The following PTK2B variants were observed in gnomAD, a reference collection of about 807,000 sequenced individuals.
PTK2B encodes the protein protein-tyrosine kinase 2-beta.
In PTK2B, 71 loss-of-function variants were observed where a neutral mutation model predicts 142.9. The ratio of observed to expected loss-of-function variants is 0.50; its 90% CI spans 0.41 to 0.61. The LOEUF (loss-of-function observed/expected upper bound fraction) is 0.61. PTK2B is among the 20% of genes least tolerant of loss of function. PTK2B has a pLI of 0.00. For missense variants in PTK2B, 1,105 were observed against 1,320.4 expected, an observed-to-expected ratio of 0.84 and a Z score of 2.53; for synonymous variants, 519 against 503.4, an observed-to-expected ratio of 1.03 and a Z score of -0.42.
chr8:27,430,544 C>T, intron 7 of PTK2B, 126 bp downstream of exon 7: 2 of 1,272,092 alleles, frequency 1.6e-6, no homozygotes, highest in Non-Finnish European at 2.3e-6. Flanking sequence ...CATTTGGACA[C>T]AGGACCACTA....
intron 29 of PTK2B, 41 bp from the exon 30 acceptor site, chr8:27,454,490 T>C (rs1812023310): frequency 9.4e-6 from 15 of 1,596,106 alleles, no homozygotes; most frequent in Non-Finnish European, 1.1e-5. Flanking sequence ...CTCTCTCCAA[T>C]AGCTAGGAGT....
intron 2 of PTK2B, among the ~76,000 whole-genome samples, chr8:27,408,094 G>GA (rs1249420389): frequency 1.3e-5 from 2 of 152,136 alleles, no homozygotes; most frequent in African/African-American, 4.8e-5. Context: ...AGAAGCAAAA[G>GA]TTTTTCTCTG....
At chr8:27,358,669 A>G (rs1160510881) in intron 1 of PTK2B, among the ~76,000 whole-genome samples, 1 of 152,112 alleles carries the variant, frequency 6.6e-6, no homozygotes, top group Non-Finnish European at 1.5e-5. Context: ...GACTTCTAAT[A>G]TATTTAGTAT....
At chr8:27,435,638 C>T in intron 13 of PTK2B, 105 bp from the exon 14 acceptor site, 3 of 1,368,042 alleles carry the variant, frequency 2.2e-6, no homozygotes, top group Non-Finnish European at 3.1e-6. Context: ...CTCCTCCTAC[C>T]CCCTTGGGCT....
intron 25 of PTK2B, 23 bp downstream of exon 25, chr8:27,450,918 C>T (rs1811764333): frequency 1.9e-6 from 3 of 1,614,084 alleles, no homozygotes; most frequent in African/African-American, 1.3e-5. Flanking sequence ...GGAAGGATGT[C>T]GGTGCCCTGC....
intron 2 of PTK2B, among the ~76,000 whole-genome samples, chr8:27,403,317 A>G (rs570313400): frequency 2.8e-4 from 43 of 152,310 alleles, no homozygotes; most frequent in Admixed American, 6.5e-4. Flanking sequence ...TGAACAGTCC[A>G]CATGGCAACA....
chr8:27,332,664 C>G (rs941922436), intron 1 of PTK2B, among the ~76,000 whole-genome samples: 1 of 152,168 alleles, frequency 6.6e-6, no homozygotes, highest in Non-Finnish European at 1.5e-5. Flanking sequence ...TCACAGCAAC[C>G]TTGACCTCTC....
At chr8:27,451,533 G>C (rs267601880) in intron 27 of PTK2B, 24 bp downstream of exon 27, 1 of 1,614,020 alleles carries the variant, frequency 6.2e-7, no homozygotes, top group South Asian at 1.1e-5. Context: ...CCCTTCTTCG[G>C]GGGGTTTCCT....
chr8:27,421,801 C>A (rs950958389), intron 4 of PTK2B, among the ~76,000 whole-genome samples: 4 of 152,230 alleles, frequency 2.6e-5, no homozygotes, highest in Non-Finnish European at 4.4e-5. Flanking sequence ...GGACAGAATG[C>A]GTATGGAGTG....
rs61165579 is a variant in PTK2B at position 27,400,447 on chromosome 8, TAAAAAA to T, written c.204+2671_204+2676del. On this transcript the variant is annotated intron_variant, in intron 2 of 30. Coordinates refer to ENST00000346049, the MANE Select transcript of PTK2B (RefSeq NM_173176.3). ...GACAGCAGAGAAAAAAGGATTGAAT[TAAAAAA>T]AAAAAAAAAAACCTGGCCAATGGGA... Among the ~76,000 whole-genome samples the T allele has an allele frequency of 3.2e-3, 440 of 136,814 alleles. 6 individuals are homozygous for T. The highest frequency in any genetic ancestry group is 0.01 in the African/African-American group (392 of 37,718). The allele number at this position is 136,814 out of a possible 152,430, so 89.8% of individuals were successfully genotyped here.
intron 2 of PTK2B, among the ~76,000 whole-genome samples, chr8:27,417,375 C>T (rs1051538203): frequency 2.0e-5 from 3 of 151,916 alleles, no homozygotes; most frequent in Non-Finnish European, 2.9e-5. Context: ...AGTTCTAGAA[C>T]AGGCAAAACC....
intron 2 of PTK2B, among the ~76,000 whole-genome samples, chr8:27,418,956 A>T (rs1022099009): frequency 7.9e-5 from 12 of 152,052 alleles, no homozygotes; most frequent in Admixed American, 2.0e-4. Context: ...TGAACCTGGG[A>T]GGCGGAGGTT....
intron 1 of PTK2B, among the ~76,000 whole-genome samples, chr8:27,341,167 C>T (rs1194657780): frequency 6.6e-6 from 1 of 152,186 alleles, no homozygotes; most frequent in Non-Finnish European, 1.5e-5. Flanking sequence ...GGTGCCCCTC[C>T]TCCCAGAGCT....
chr8:27,432,094 A>T (rs1055207565), intron 9 of PTK2B, 166 bp from the exon 10 acceptor site: 33 of 561,138 alleles, frequency 5.9e-5, no homozygotes, highest in Non-Finnish European at 8.5e-5. Flanking sequence ...AAGATTGGAC[A>T]CCCCTGAACT....
upstream of PTK2B, chr8:27,325,453 C>G (rs1803351185): frequency 6.6e-6 from 1 of 152,330 alleles, no homozygotes; most frequent in Non-Finnish European, 1.5e-5. Context: ...GGAGCCGGCA[C>G]ACACAGACAA....
chr8:27,451,581 G>T (rs377095964), intron 27 of PTK2B, 72 bp downstream of exon 27: 3 of 1,610,730 alleles, frequency 1.9e-6, no homozygotes, highest in East Asian at 2.2e-5. Flanking sequence ...CTTGCCCACC[G>T]CCCAGGGCAG....
intron 1 of PTK2B, among the ~76,000 whole-genome samples, chr8:27,379,652 TGC>T (rs1330829280): frequency 1.3e-5 from 2 of 152,254 alleles, no homozygotes; most frequent in Admixed American, 6.5e-5. Context: ...TAATTGAATA[TGC>T]CTAAGTAGTC....
chr8:27,434,103 G>A lies in PTK2B; in HGVS notation c.1116G>A (p.Lys372=). The change falls in exon 12 of 31, where the codon AAG becomes AAA. Residue 372 remains lysine (K), a synonymous_variant. Coordinates refer to ENST00000346049, the MANE Select transcript of PTK2B (RefSeq NM_173176.3). ...CTCCTCTCTTCCTAGATGGTGAGAA[G>A]CGGAACAGCCTGCCCCAGATCCCCA... The part of the protein sequence containing the change: ...LIIHPRKDGE[K]RNSLPQIPML... The A allele has an allele frequency of 6.2e-7, 1 of 1,614,116 alleles. No individual in the cohort carries two copies. Among genetic ancestry groups the A allele is most frequent in the Non-Finnish European group, 8.5e-7 (1 of 1,179,996 alleles).
At chr8:27,339,756 T>A (rs945153881) in intron 1 of PTK2B, among the ~76,000 whole-genome samples, 2 of 152,158 alleles carry the variant, frequency 1.3e-5, no homozygotes, top group Non-Finnish European at 2.9e-5. Context: ...TACACAGCAA[T>A]GTGGACATAC....
Sources: allele counts gnomAD v4.1 joint callset (sites outside exome capture counted in the v4.1 genomes callset), GRCh38; gene constraint gnomAD v4.1.1; transcripts MANE v1.5; gene names NCBI Gene and HGNC (gene_info 2026-07-23, HGNC 2026-07-21).